LARGE1: variants seen among roughly 807,000 people sequenced by gnomAD.
LARGE1 encodes the protein xylosyl- and glucuronyltransferase LARGE1.
In LARGE1, 43 loss-of-function variants were observed where a neutral mutation model predicts 87.6. The ratio of observed to expected loss-of-function variants is 0.49; its 90% CI spans 0.38 to 0.63. LARGE1 has a LOEUF of 0.63. LARGE1 is among the 30% of genes least tolerant of loss of function. LARGE1 has a pLI of 0.00. For missense variants in LARGE1, 802 were observed against 1,000.2 expected (o/e 0.80, Z 2.67); for synonymous variants, 434 against 394.6 (o/e 1.10, Z -1.18).
intron 11 of LARGE1, among the ~76,000 whole-genome samples, chr22:33,198,475 T>C (rs1355075060): frequency 1.3e-5 from 2 of 152,076 alleles, no homozygotes; most frequent in East Asian, 1.9e-4. Flanking sequence ...CCTACATGTG[T>C]ATATTGCATA....
At chr22:33,520,109 A>G (rs1430988248) in intron 6 of LARGE1, among the ~76,000 whole-genome samples, 1 of 149,736 alleles carries the variant, frequency 6.7e-6, no homozygotes, top group Non-Finnish European at 1.5e-5. Flanking sequence ...AGCTCAAGCA[A>G]TCCTCCCTCT....
At chr22:33,495,276 A>C (rs2070051732) in intron 6 of LARGE1, among the ~76,000 whole-genome samples, 1 of 152,190 alleles carries the variant, frequency 6.6e-6, no homozygotes, top group African/African-American at 2.4e-5. Flanking sequence ...TTGCAGTCTT[A>C]CATCTTTCAT....
Position 33,316,204 on chromosome 22 carries a change from A to G in LARGE1, c.1332T>C (p.Tyr444=), listed in dbSNP as rs1936139626. Residue 444 remains tyrosine (Y), a synonymous_variant, in exon 11 of 15, where the codon TAT becomes TAC. Coordinates refer to ENST00000397394, the MANE Select transcript of LARGE1 (RefSeq NM_133642.5). ...CAGTGAAGCGCTCTCGCCGGAACTC[A>G]TAGCACAGGTCGTCCTCGTCCAGCT... ...LSELDEDDLC[Y]EFRRERFTVH... 1 of 1,614,072 alleles carries G rather than the reference A, an allele frequency of 6.2e-7. No homozygotes were observed. Among genetic ancestry groups the G allele is most frequent in the Non-Finnish European group, 8.5e-7 (1 of 1,179,988 alleles).
intron 1 of LARGE1, among the ~76,000 whole-genome samples, chr22:33,816,733 C>CAGACAGACAGACAGACAGAT (rs763136582): frequency 2.7e-5 from 4 of 150,010 alleles, no homozygotes; most frequent in South Asian, 2.1e-4. Flanking sequence ...GACAGACAGA[C>CAGACAGACAGACAGACAGAT]AGATACAGAA....
At chr22:33,545,419 A>AACACACACACACAC (rs55754949) in intron 6 of LARGE1, among the ~76,000 whole-genome samples, 4,305 of 143,936 alleles carry the variant, frequency 0.03, 68 homozygotes, top group Admixed American at 0.045. Flanking sequence ...ACACCCAGCT[A>AACACACACACACAC]ACACACACAC....
At chr22:33,771,369 G>A (rs923857264) in intron 1 of LARGE1, among the ~76,000 whole-genome samples, 1 of 151,990 alleles carries the variant, frequency 6.6e-6, no homozygotes, top group Non-Finnish European at 1.5e-5. Flanking sequence ...GCCAAATGGG[G>A]TAGGAAATCA....
At chr22:33,723,960 GAA>G (rs2083186956) in intron 2 of LARGE1, 1 of 152,404 alleles carries the variant, frequency 6.6e-6, no homozygotes, top group Admixed American at 6.5e-5. Context: ...CCCTGCTTCA[GAA>G]ATGGAACGAT....
chr22:33,363,697 C>A (rs957557985), intron 9 of LARGE1, among the ~76,000 whole-genome samples: 1 of 149,876 alleles, frequency 6.7e-6, no homozygotes, highest in African/African-American at 2.5e-5. Flanking sequence ...AGATTAATAA[C>A]AATAAATTAT....
At chr22:33,881,984 T>C (rs1373565337) in intron 1 of LARGE1, among the ~76,000 whole-genome samples, 1 of 151,880 alleles carries the variant, frequency 6.6e-6, no homozygotes, top group Non-Finnish European at 1.5e-5. Context: ...CTAACACCTT[T>C]GCCACACCCG....
chr22:33,901,159 GC>G (rs2065272698), intron 1 of LARGE1, among the ~76,000 whole-genome samples: 1 of 152,102 alleles, frequency 6.6e-6, no homozygotes, highest in Non-Finnish European at 1.5e-5. Flanking sequence ...ATGTCTACCA[GC>G]CAGGGATCAC....
At chr22:33,494,970 C>T (rs115643083) in intron 6 of LARGE1, among the ~76,000 whole-genome samples, 193 of 152,264 alleles carry the variant, frequency 1.3e-3, no homozygotes, top group African/African-American at 4.4e-3. Flanking sequence ...AGGGGAGAGC[C>T]ACACTCCACT....
chr22:33,683,860 G>A (rs2081860542), intron 2 of LARGE1, among the ~76,000 whole-genome samples: 1 of 152,080 alleles, frequency 6.6e-6, no homozygotes, highest in Admixed American at 6.5e-5. Context: ...TTGATGAAAA[G>A]CCCAGCCTGG....
At chr22:33,560,675 C>A (rs1275352218) in intron 6 of LARGE1, among the ~76,000 whole-genome samples, 1 of 152,080 alleles carries the variant, frequency 6.6e-6, no homozygotes, top group Admixed American at 6.6e-5. Flanking sequence ...CAGTCACACC[C>A]GTTCTAAGTG....
the LARGE1 span, among the ~76,000 whole-genome samples, chr22:33,101,042 T>C: frequency 2.6e-5 from 4 of 151,850 alleles, no homozygotes; most frequent in Non-Finnish European, 1.5e-5. Flanking sequence ...ACGGGGTTTC[T>C]CCATGTTGGT....
the LARGE1 span, among the ~76,000 whole-genome samples, chr22:33,156,067 G>A: frequency 6.6e-6 from 1 of 152,198 alleles, no homozygotes; most frequent in Non-Finnish European, 1.5e-5. Context: ...GAGGATGTAT[G>A]GAAACGTCTG....
chr22:33,151,571 T>C, the LARGE1 span, among the ~76,000 whole-genome samples: 4 of 152,322 alleles, frequency 2.6e-5, no homozygotes, highest in South Asian at 8.3e-4. Flanking sequence ...ATACTAGCTA[T>C]TGTCTTTTTG....
chr22:33,319,259 A>G (rs1260348984), intron 10 of LARGE1, among the ~76,000 whole-genome samples: 1 of 152,180 alleles, frequency 6.6e-6, no homozygotes, highest in Non-Finnish European at 1.5e-5. Context: ...CTCAAGAGAA[A>G]GTGTTTCTTG....
chr22:33,089,371 C>CTTCTTCTTCTTCTCCTT, the LARGE1 span, among the ~76,000 whole-genome samples: 8 of 76,092 alleles, frequency 1.1e-4, no homozygotes, highest in East Asian at 1.3e-3. Flanking sequence ...TTCTTCTTCT[C>CTTCTTCTTCTTCTCCTT]CTTCTTCTTC....
intron 11 of LARGE1, among the ~76,000 whole-genome samples, chr22:33,248,778 G>A (rs1225223095): frequency 1.3e-5 from 2 of 152,150 alleles, no homozygotes; most frequent in Admixed American, 1.3e-4. Flanking sequence ...GCCTTTTCCA[G>A]AATGCCATAT....
Sources: allele counts gnomAD v4.1 joint callset (sites outside exome capture counted in the v4.1 genomes callset), GRCh38; gene constraint gnomAD v4.1.1; transcripts MANE v1.5; gene names NCBI Gene and HGNC (gene_info 2026-07-23, HGNC 2026-07-21).